Variants in CAMKMT observed in about 807,000 individuals in gnomAD.
The protein encoded by CAMKMT is calmodulin-lysine N-methyltransferase.
Under a neutral mutation model 48.0 loss-of-function variants are expected in CAMKMT, and 53 were observed. The observed-to-expected ratio is 1.10, with a 90% CI of 0.89 to 1.39. The LOEUF (loss-of-function observed/expected upper bound fraction) is 1.39. Among genes scored for constraint, CAMKMT ranks in the 40% most tolerant of loss-of-function variants. The probability of loss-of-function intolerance (pLI) is 0.00; values close to 1 mark genes in which losing one functional copy is unlikely to be tolerated. For synonymous variants in CAMKMT, 165 were observed against 152.3 expected (o/e 1.08, Z -0.61); for missense variants, 428 against 402.7 (o/e 1.06, Z -0.54).
At chr2:44,694,286 A>G (rs1056140100) in intron 3 of CAMKMT, among the ~76,000 whole-genome samples, 1 of 152,208 alleles carries the variant, frequency 6.6e-6, no homozygotes, top group Admixed American at 6.5e-5. Flanking sequence ...ATTTAAAATA[A>G]TTCTAGGCCA....
intron 3 of CAMKMT, among the ~76,000 whole-genome samples, chr2:44,575,607 C>T (rs759558589): frequency 2.7e-4 from 41 of 152,212 alleles, no homozygotes; most frequent in Admixed American, 1.4e-3. Flanking sequence ...CATTGGCTCA[C>T]GCCTGTAATC....
intron 7 of CAMKMT, among the ~76,000 whole-genome samples, chr2:44,731,566 A>G (rs778255545): frequency 6.6e-5 from 10 of 152,190 alleles, no homozygotes; most frequent in Non-Finnish European, 1.3e-4. Context: ...TGTTTGAGAA[A>G]TTCTTTCAGT....
chr2:44,511,956 C>G (rs1670585383), intron 3 of CAMKMT, among the ~76,000 whole-genome samples: 1 of 152,206 alleles, frequency 6.6e-6, no homozygotes, highest in African/African-American at 2.4e-5. Context: ...GGCTGTCCCT[C>G]TTGTAGCTCC....
intron 3 of CAMKMT, among the ~76,000 whole-genome samples, chr2:44,560,269 A>G (rs1314904477): frequency 9.2e-5 from 14 of 152,118 alleles, no homozygotes; most frequent in Non-Finnish European, 1.5e-5. Flanking sequence ...ATACTCTAAC[A>G]TACTTGTTTT....
chr2:44,736,213 A>G (rs1258088363), intron 7 of CAMKMT, among the ~76,000 whole-genome samples: 1 of 152,148 alleles, frequency 6.6e-6, no homozygotes, highest in Admixed American at 6.5e-5. Flanking sequence ...GCTGGTGATT[A>G]ATTCCTTCAG....
intron 3 of CAMKMT, among the ~76,000 whole-genome samples, chr2:44,468,631 A>G (rs924678780): frequency 1.3e-5 from 2 of 152,140 alleles, no homozygotes; most frequent in African/African-American, 4.8e-5. Flanking sequence ...GATAAAGAAA[A>G]TATAAGGCCA....
intron 3 of CAMKMT, among the ~76,000 whole-genome samples, chr2:44,426,518 A>C (rs1241968277): frequency 6.6e-6 from 1 of 152,232 alleles, no homozygotes; most frequent in African/African-American, 2.4e-5. Flanking sequence ...ATGTACAAAA[A>C]TCTGTAGCAT....
In CAMKMT at chr2:44,725,195, T is replaced by G. The variant is rs79706448; in HGVS notation, c.623+9842T>G. ...GTGTGTGTGTGTACCTGTATGCATGTGAGTGCTATATCGGTCTTACATACA... is the reference window on the plus strand; with the variant it reads ...GTGTGTGTGTGTACCTGTATGCATGGGAGTGCTATATCGGTCTTACATACA... On this transcript the variant is annotated intron_variant, in intron 7 of 10. Transcript: ENST00000378494. 5.7e-3 allele frequency among the ~76,000 whole-genome samples: 859 copies of G among 151,054 alleles called. 8 individuals are homozygous for G. Among genetic ancestry groups the G allele is most frequent in the African/African-American group, 0.019 (783 of 41,176 alleles).
At chr2:44,591,020 C>G (rs555953259) in intron 3 of CAMKMT, among the ~76,000 whole-genome samples, 59 of 152,240 alleles carry the variant, frequency 3.9e-4, no homozygotes, top group African/African-American at 1.3e-3. Flanking sequence ...AGTCCTTTCC[C>G]CATTGCTTAT....
intron 9 of CAMKMT, among the ~76,000 whole-genome samples, chr2:44,756,092 C>T (rs903305000): frequency 4.6e-5 from 7 of 152,336 alleles, no homozygotes; most frequent in Non-Finnish European, 7.3e-5. Flanking sequence ...GGAACCTCAT[C>T]CCCATCAACA....
At chr2:44,414,784 G>GC (rs1469072860) in intron 3 of CAMKMT, among the ~76,000 whole-genome samples, 1 of 152,174 alleles carries the variant, frequency 6.6e-6, no homozygotes, top group African/African-American at 2.4e-5. Flanking sequence ...TCTCTAGCTG[G>GC]CTATCTGTAA....
intron 3 of CAMKMT, among the ~76,000 whole-genome samples, chr2:44,591,728 A>G (rs1670291642): frequency 6.6e-6 from 1 of 151,860 alleles, no homozygotes; most frequent in Non-Finnish European, 1.5e-5. Flanking sequence ...TACCCAAAGG[A>G]CTATAAATCA....
At chr2:44,505,209 T>C (rs568965326) in intron 3 of CAMKMT, among the ~76,000 whole-genome samples, 11 of 152,292 alleles carry the variant, frequency 7.2e-5, no homozygotes, top group East Asian at 1.9e-4. Context: ...ACAAACCATA[T>C]TGAAACTAGA....
In CAMKMT at chr2:44,434,896, G is replaced by C. The variant is rs114992238; in HGVS notation, c.376+44591G>C. Among the ~76,000 whole-genome samples, 1,030 of 152,262 alleles carry C rather than the reference G, an allele frequency of 6.8e-3. 8 individuals carry two copies. Among genetic ancestry groups the C allele is most frequent in the African/African-American group, 0.023 (950 of 41,560 alleles). On this transcript the variant is annotated intron_variant, in intron 3 of 10. Transcript: ENST00000378494. ...TAGGACCCTAAATGAAAATATCAGA[G>C]TAGCATGTTAATCACAATTTGAGGT...
At chr2:44,758,332 C>A (rs1019720495) in intron 9 of CAMKMT, among the ~76,000 whole-genome samples, 9 of 152,154 alleles carry the variant, frequency 5.9e-5, no homozygotes, top group African/African-American at 1.7e-4. Context: ...CCCAGAGAGA[C>A]CTTAGCCACC....
At chr2:44,676,909 C>T (rs1188143525) in intron 3 of CAMKMT, 1 of 152,186 alleles carries the variant, frequency 6.6e-6, no homozygotes, top group Non-Finnish European at 1.5e-5. Context: ...AATTCACTAG[C>T]CTTCTTCCCT....
intron 3 of CAMKMT, among the ~76,000 whole-genome samples, chr2:44,459,499 T>G (rs750015367): frequency 7.2e-5 from 11 of 152,228 alleles, no homozygotes; most frequent in Non-Finnish European, 1.3e-4. Flanking sequence ...TTCTGTATTT[T>G]AAAAGAGAAA....
At chr2:44,512,762 C>T (rs549624394) in intron 3 of CAMKMT, among the ~76,000 whole-genome samples, 4 of 152,310 alleles carry the variant, frequency 2.6e-5, no homozygotes, top group Admixed American at 2.6e-4. Context: ...CTTCATTATA[C>T]TTGCTTAAAA....
chr2:44,707,890 A>G (rs1479975099), intron 6 of CAMKMT, among the ~76,000 whole-genome samples: 1 of 152,162 alleles, frequency 6.6e-6, no homozygotes, highest in East Asian at 1.9e-4. Flanking sequence ...TATGTACTGT[A>G]TAATATTGTG....
Sources: gnomAD v4.1 joint callset for allele counts (sites outside exome capture counted in the v4.1 genomes callset) on GRCh38, gnomAD v4.1.1 for gene constraint, MANE v1.5 for transcripts, NCBI Gene and HGNC (gene_info 2026-07-23, HGNC 2026-07-21) for gene names.